Variants in COBL observed in about 807,000 individuals in gnomAD.
The protein encoded by COBL is protein cordon-bleu.
Under a neutral mutation model 98.8 loss-of-function variants are expected in COBL, and 51 were observed. The ratio of observed to expected loss-of-function variants is 0.52; its 90% CI spans 0.41 to 0.65. COBL has a LOEUF of 0.65. COBL is among the 30% of genes least tolerant of loss of function. The pLI is 0.00. For synonymous variants in COBL, 634 were observed against 651.7 expected, an observed-to-expected ratio of 0.97 and a Z score of 0.41; for missense variants, 1,617 against 1,617.5, an observed-to-expected ratio of 1.00 and a Z score of 0.01.
At chr7:51,154,038 T>C (rs1285057141) in intron 5 of COBL, among the ~76,000 whole-genome samples, 2 of 152,122 alleles carry the variant, frequency 1.3e-5, no homozygotes, top group Non-Finnish European at 2.9e-5. Flanking sequence ...CCCGTGTCGC[T>C]GAAAGATGAG....
intron 1 of COBL, among the ~76,000 whole-genome samples, chr7:51,266,720 G>A (rs868611546): frequency 6.6e-6 from 1 of 152,124 alleles, no homozygotes; most frequent in Non-Finnish European, 1.5e-5. Flanking sequence ...ACAAATGGAC[G>A]GAAGGAAAGG....
chr7:51,025,984 G>C (rs1439656320), intron 11 of COBL, among the ~76,000 whole-genome samples: 2 of 152,152 alleles, frequency 1.3e-5, no homozygotes, highest in Non-Finnish European at 2.9e-5. Flanking sequence ...TATAAGAATA[G>C]ACATAGAGGC....
At chr7:51,109,558 T>C (rs1796640889) in intron 6 of COBL, among the ~76,000 whole-genome samples, 1 of 152,138 alleles carries the variant, frequency 6.6e-6, no homozygotes, top group Non-Finnish European at 1.5e-5. Flanking sequence ...TCAGGCCCTT[T>C]GCATTTCCTG....
chr7:51,212,606 G>A (rs939327960), intron 2 of COBL, among the ~76,000 whole-genome samples: 7 of 152,166 alleles, frequency 4.6e-5, no homozygotes, highest in African/African-American at 9.7e-5. Context: ...TTCTTGAGCC[G>A]CTGACACAAA....
At chr7:51,291,941 T>C (rs1800940897) in intron 1 of COBL, among the ~76,000 whole-genome samples, 2 of 151,910 alleles carry the variant, frequency 1.3e-5, no homozygotes, top group Admixed American at 6.6e-5. Flanking sequence ...ACAGGTATAT[T>C]ACCTGAGGTC....
At chr7:51,221,099 C>T (rs2129089978) in intron 1 of COBL, among the ~76,000 whole-genome samples, 1 of 152,194 alleles carries the variant, frequency 6.6e-6, no homozygotes, top group East Asian at 1.9e-4. Flanking sequence ...TGTGGCTCAC[C>T]TAAAGGCATA....
At chr7:51,171,639 T>C (rs984817503) in intron 5 of COBL, among the ~76,000 whole-genome samples, 5 of 151,992 alleles carry the variant, frequency 3.3e-5, no homozygotes, top group African/African-American at 1.2e-4. Context: ...AATATATTTA[T>C]ACTGTTTTGA....
chr7:51,165,414 A>G (rs904578851), intron 5 of COBL, among the ~76,000 whole-genome samples: 1 of 152,102 alleles, frequency 6.6e-6, no homozygotes, highest in Non-Finnish European at 1.5e-5. Context: ...GCAAGAGCAT[A>G]TAACAATTTT....
At chr7:51,266,096 C>T (rs1192094659) in intron 1 of COBL, among the ~76,000 whole-genome samples, 3 of 152,124 alleles carry the variant, frequency 2.0e-5, no homozygotes, top group African/African-American at 7.2e-5. Flanking sequence ...ATTAGTGACA[C>T]ATGCTGCTAA....
At chr7:51,135,912 G>A (rs1225723316) in intron 6 of COBL, among the ~76,000 whole-genome samples, 2 of 152,166 alleles carry the variant, frequency 1.3e-5, no homozygotes, top group Non-Finnish European at 2.9e-5. Context: ...AGGGTATGTG[G>A]GGAGCAGGAC....
intron 1 of COBL, among the ~76,000 whole-genome samples, chr7:51,296,701 G>A (rs1801446662): frequency 6.6e-6 from 1 of 152,154 alleles, no homozygotes; most frequent in Admixed American, 6.5e-5. Context: ...TGATGTTGCT[G>A]ATTACTCACA....
intron 1 of COBL, among the ~76,000 whole-genome samples, chr7:51,300,575 G>C (rs1801852828): frequency 6.6e-6 from 1 of 152,178 alleles, no homozygotes; most frequent in South Asian, 2.1e-4. Flanking sequence ...GTCAGAAGGA[G>C]CTGCCTGCTC....
chr7:51,209,345 G>A (rs1300689617), intron 2 of COBL, among the ~76,000 whole-genome samples: 1 of 152,208 alleles, frequency 6.6e-6, no homozygotes, highest in African/African-American at 2.4e-5. Flanking sequence ...AAGAGCAGGT[G>A]CCAGTAAGGA....
At chr7:51,019,897 C>A (rs187393661) in intron 12 of COBL, among the ~76,000 whole-genome samples, 29 of 152,274 alleles carry the variant, frequency 1.9e-4, no homozygotes, top group African/African-American at 6.7e-4. Context: ...ATATGAGGAC[C>A]TAGGGCTTAG....
rs1273770811 is a variant in COBL, at chr7:51,017,105, T to C, written c.*446A>G. 2 of 425,364 alleles carry C rather than the reference T, an allele frequency of 4.7e-6. No homozygotes were observed. Among genetic ancestry groups the C allele is most frequent in the Admixed American group, 7.9e-5 (2 of 25,190 alleles). The allele number at this position is 425,364 out of a possible 1,614,324, so 26.3% of individuals were successfully genotyped here. A position where few individuals can be genotyped will look rare whatever the true frequency, so the allele number is the denominator to read the frequency against. On this transcript the variant is annotated 3_prime_UTR_variant, in exon 13 of 13. Transcript: ENST00000265136. ...AGCATATCACATTCAGATTGTTCCATCTGATTCATATGTTTTTTCTAAAAT... is the reference window on the plus strand; with the variant it reads ...AGCATATCACATTCAGATTGTTCCACCTGATTCATATGTTTTTTCTAAAAT...
intron 2 of COBL, among the ~76,000 whole-genome samples, chr7:51,214,158 C>T (rs866199464): frequency 1.3e-5 from 2 of 151,986 alleles, no homozygotes; most frequent in Middle Eastern, 3.4e-3. Context: ...CCCAGCTACT[C>T]GGGAGGCTGA....
intron 2 of COBL, among the ~76,000 whole-genome samples, chr7:51,201,620 C>G (rs904808523): frequency 6.6e-6 from 1 of 152,010 alleles, no homozygotes. Context: ...CCACATTGAC[C>G]TAATATATAT....
chr7:51,235,860 A>C (rs1584265752), intron 1 of COBL, among the ~76,000 whole-genome samples: 3 of 151,000 alleles, frequency 2.0e-5, no homozygotes, highest in African/African-American at 4.9e-5. Flanking sequence ...CTGACTACCC[A>C]CCCCCTCCTG....
chr7:51,069,076 A>G (rs1792254178), intron 7 of COBL, among the ~76,000 whole-genome samples: 1 of 152,232 alleles, frequency 6.6e-6, no homozygotes, highest in African/African-American at 2.4e-5. Flanking sequence ...GAATGGAGCC[A>G]GCAGACATGA....
Sources: gnomAD v4.1 joint callset for allele counts (sites outside exome capture counted in the v4.1 genomes callset) on GRCh38, gnomAD v4.1.1 for gene constraint, MANE v1.5 for transcripts, NCBI Gene and HGNC (gene_info 2026-07-23, HGNC 2026-07-21) for gene names.